HYDIN: variants seen among roughly 807,000 people sequenced by gnomAD.
HYDIN encodes HYDIN axonemal central pair apparatus protein.
Under a neutral mutation model 403.9 loss-of-function variants are expected in HYDIN, and 132 were observed. That is an observed-to-expected ratio of 0.33 (90% confidence interval 0.28 to 0.38). The LOEUF (loss-of-function observed/expected upper bound fraction) is 0.38, where lower values mean the gene tolerates loss of function less well. Among genes scored for constraint, HYDIN ranks in the 10% least tolerant of loss-of-function variants. HYDIN has a pLI of 1.00. For synonymous variants in HYDIN, 1,202 were observed against 1,891.7 expected (o/e 0.64, Z 9.46); for missense variants, 2,827 against 5,009.5 (o/e 0.56, Z 13.15).
In HYDIN at chr16:71,196,811, T is replaced by A. The variant is rs909279267; in HGVS notation, c.-23-9893A>T. ...CTCTGGTTGTCCTCACTGCTACACT[T>A]CCACCAGTGCCATGAAAGTTTACAA... On this transcript the variant is annotated intron_variant, in intron 1 of 85. Coordinates refer to ENST00000393567, the MANE Select transcript of HYDIN (RefSeq NM_001270974.2). Among the ~76,000 whole-genome samples, 6 of 152,168 alleles carry A rather than the reference T, an allele frequency of 3.9e-5. No individual in the cohort carries two copies. The East Asian group carries it at 7.7e-4, about 20-fold the overall frequency.
chr16:70,804,120 C>T lies in HYDIN; in HGVS notation c.*3460G>A, dbSNP rs944134325. ...GTTATTGTTTGAGGCTAAGGAAGCACGAGAAAAACCTAAAGGGAAGAAATG... is the reference window on the plus strand; with the variant it reads ...GTTATTGTTTGAGGCTAAGGAAGCATGAGAAAAACCTAAAGGGAAGAAATG... On this transcript the variant is annotated 3_prime_UTR_variant, in exon 86 of 86. Coordinates refer to ENST00000393567, the MANE Select transcript of HYDIN (RefSeq NM_001270974.2). 5.3e-5 allele frequency among the ~76,000 whole-genome samples: 8 copies of T among 152,130 alleles called. No individual in the cohort carries two copies. Among genetic ancestry groups the T allele is most frequent in the South Asian group, 4.1e-4 (2 of 4,828 alleles).
chr16:71,067,451 G>C (rs1408312209), intron 14 of HYDIN, 61 bp from the exon 15 acceptor site: 1 of 996,490 alleles, frequency 1.0e-6, no homozygotes, highest in Non-Finnish European at 1.6e-6. Flanking sequence ...ACACGGGGGA[G>C]GGGAGCCTCC....
intron 1 of HYDIN, among the ~76,000 whole-genome samples, chr16:71,217,041 G>A (rs2088918063): frequency 6.6e-6 from 1 of 152,306 alleles, no homozygotes; most frequent in Middle Eastern, 3.4e-3. Context: ...ATAGCAGTAG[G>A]TACCTTTTGG....
chr16:71,037,689 C>G (rs1426466766), intron 18 of HYDIN, among the ~76,000 whole-genome samples: 3 of 152,080 alleles, frequency 2.0e-5, no homozygotes, highest in Non-Finnish European at 4.4e-5. Context: ...AGTCCCTGAC[C>G]GAGGGCCACC....
chr16:70,818,736 C>G (rs956271930), intron 83 of HYDIN, among the ~76,000 whole-genome samples, 164 bp from the exon 84 acceptor site: 3 of 145,750 alleles, frequency 2.1e-5, no homozygotes, highest in African/African-American at 7.8e-5. Context: ...TCCCTGCCAG[C>G]CAGACTTTCT....
At chr16:70,916,372 C>T (rs1004157817) in intron 47 of HYDIN, among the ~76,000 whole-genome samples, 9 of 152,274 alleles carry the variant, frequency 5.9e-5, no homozygotes, top group South Asian at 2.1e-4. Context: ...TGACTCAGCT[C>T]CAGGTAAGGT....
chr16:71,199,720 G>A lies in HYDIN; in HGVS notation c.-23-12802C>T, dbSNP rs569111298. Among the ~76,000 whole-genome samples, 8 of 152,304 alleles carry A rather than the reference G, an allele frequency of 5.3e-5. No homozygotes were observed. The South Asian group carries it at 8.3e-4, about 16-fold the overall frequency. ...AGCAGAAATCTCTCATTCATAACGTGAAGATGGTATACAGGGACAGATATT... is the reference window on the plus strand; with the variant it reads ...AGCAGAAATCTCTCATTCATAACGTAAAGATGGTATACAGGGACAGATATT... On this transcript the variant is annotated intron_variant, in intron 1 of 85. Transcript: ENST00000393567.
intron 1 of HYDIN, among the ~76,000 whole-genome samples, chr16:71,230,146 GATATGTC>G (rs2041217022): frequency 1.3e-5 from 2 of 152,314 alleles, no homozygotes; most frequent in Admixed American, 1.3e-4. Context: ...ATTAGCCTCA[GATATGTC>G]TTTATTAGCA....
At chr16:71,033,635 G>C (rs556698347) in intron 18 of HYDIN, among the ~76,000 whole-genome samples, 3 of 152,006 alleles carry the variant, frequency 2.0e-5, no homozygotes, top group African/African-American at 4.8e-5. Context: ...GTCAGGGGTC[G>C]GGGGGCAGGG....
chr16:70,939,348 T>C (rs1156771139), intron 43 of HYDIN, among the ~76,000 whole-genome samples: 1 of 152,194 alleles, frequency 6.6e-6, no homozygotes, highest in African/African-American at 2.4e-5. Flanking sequence ...TTCCAGAAAG[T>C]TTATTTCTCC....
chr16:71,115,942 T>C, intron 9 of HYDIN, 147 bp from the exon 10 acceptor site: 2 of 582,436 alleles, frequency 3.4e-6, no homozygotes, highest in Non-Finnish European at 6.1e-6. Context: ...TATATATTTG[T>C]ATAGTGAAAT....
rs1046252718 is a variant in HYDIN, at chr16:70,894,227, T to C, written c.9248+222A>G. On this transcript the variant is annotated intron_variant, in intron 55 of 85. Transcript: ENST00000393567. Reference sequence around the variant, plus strand: ...TGAGAATCTCTGCTCCCTTAGCAGGTGGAATTCCATTCTTTTGAAGCCAAG... The same window carrying C: ...TGAGAATCTCTGCTCCCTTAGCAGGCGGAATTCCATTCTTTTGAAGCCAAG... 44 of 637,322 alleles carry C rather than the reference T, an allele frequency of 6.9e-5. No individual in the cohort carries two copies. The Middle Eastern group carries it at 1.2e-3, about 18-fold the overall frequency. 39.5% of individuals were successfully genotyped at this position (637,322 alleles called of 1,614,324 possible).
chr16:70,943,789 C>A, intron 42 of HYDIN, 23 bp downstream of exon 42: 1 of 1,608,062 alleles, frequency 6.2e-7, no homozygotes, highest in African/African-American at 1.3e-5. Context: ...CCCTGCAGCT[C>A]TGTGCAGGTG....
chr16:70,983,838 ATAATT>A lies in HYDIN; in HGVS notation c.4332+1342_4332+1346del, dbSNP rs2079107832. ...TTAAATTACATTTGTAAGTAAAACT[ATAATT>A]TAAGACAACTTAGAAAATAATGAAA... On this transcript the variant is annotated intron_variant, in intron 28 of 85. Transcript: ENST00000393567. Among the ~76,000 whole-genome samples, 4 of 152,190 alleles carry A rather than the reference ATAATT, an allele frequency of 2.6e-5. No individual in the cohort carries two copies. The South Asian group carries it at 8.3e-4, about 32-fold the overall frequency.
intron 18 of HYDIN, among the ~76,000 whole-genome samples, chr16:71,053,633 T>C (rs963445149): frequency 4.4e-4 from 54 of 123,892 alleles, no homozygotes; most frequent in Non-Finnish European, 8.3e-4. Context: ...TATTTATGAA[T>C]GCATATAATA....
At chr16:71,156,793 T>C (rs8058217) in intron 6 of HYDIN, among the ~76,000 whole-genome samples, 9 of 151,868 alleles carry the variant, frequency 5.9e-5, no homozygotes, top group Non-Finnish European at 7.4e-5. Context: ...GATTTTGAAA[T>C]TGCTTCTTAA....
chr16:70,932,725 A>G (rs1223381315), intron 45 of HYDIN, among the ~76,000 whole-genome samples: 6 of 152,234 alleles, frequency 3.9e-5, no homozygotes, highest in Non-Finnish European at 5.9e-5. Context: ...GCCAACCAGC[A>G]TGTTTTTTTT....
chr16:71,021,900 A>G (rs1349655560), intron 21 of HYDIN, among the ~76,000 whole-genome samples: 1 of 152,152 alleles, frequency 6.6e-6, no homozygotes, highest in Non-Finnish European at 1.5e-5. Context: ...TCAGGTGACC[A>G]GTGTCCCTTG....
At chr16:70,912,711 ATTC>A (rs2076727049) in intron 47 of HYDIN, among the ~76,000 whole-genome samples, 1 of 150,316 alleles carries the variant, frequency 6.7e-6, no homozygotes, top group African/African-American at 2.4e-5. Flanking sequence ...ATGGGTATCC[ATTC>A]TTCTTTGAAT....
Sources: gnomAD v4.1 joint callset for allele counts (sites outside exome capture counted in the v4.1 genomes callset) on GRCh38, gnomAD v4.1.1 for gene constraint, MANE v1.5 for transcripts, NCBI Gene and HGNC (gene_info 2026-07-23, HGNC 2026-07-21) for gene names.